Variants in GRIN2A observed in about 807,000 individuals in gnomAD.
GRIN2A encodes glutamate ionotropic receptor NMDA type subunit 2A.
In GRIN2A, 22 loss-of-function variants were observed where a neutral mutation model predicts 113.4. The observed-to-expected ratio is 0.19, with a 90% CI of 0.14 to 0.28. GRIN2A has a LOEUF of 0.28. GRIN2A is among the 10% of genes least tolerant of loss of function. GRIN2A has a pLI of 1.00. For synonymous variants in GRIN2A, 827 were observed against 738.4 expected (o/e 1.12, Z -1.94); for missense variants, 1,502 against 1,887.0 (o/e 0.80, Z 3.78).
chr16:9,829,725 C>T (rs2141313425), intron 8 of GRIN2A, 73 bp from the exon 9 acceptor site: 3 of 944,390 alleles, frequency 3.2e-6, no homozygotes, highest in Non-Finnish European at 5.2e-6. Flanking sequence ...AACCACGCAG[C>T]AGCCACCAGC....
intron 2 of GRIN2A, among the ~76,000 whole-genome samples, chr16:10,171,242 G>T (rs1256488095): frequency 6.6e-6 from 1 of 152,182 alleles, no homozygotes; most frequent in African/African-American, 2.4e-5. Flanking sequence ...ACAAATTACT[G>T]CAACTCCCAG....
At chr16:9,777,715 G>T (rs935853593) in intron 11 of GRIN2A, among the ~76,000 whole-genome samples, 1 of 152,242 alleles carries the variant, frequency 6.6e-6, no homozygotes, top group South Asian at 2.1e-4. Flanking sequence ...GTGATTAGTC[G>T]CACAAGTTGG....
At chr16:10,092,121 A>G (rs1027285981) in intron 2 of GRIN2A, among the ~76,000 whole-genome samples, 6 of 152,234 alleles carry the variant, frequency 3.9e-5, no homozygotes, top group African/African-American at 1.4e-4. Context: ...AGTCCTTTCA[A>G]CAAAGAATAG....
intron 11 of GRIN2A, among the ~76,000 whole-genome samples, chr16:9,789,798 A>G (rs1902491014): frequency 6.6e-6 from 1 of 152,254 alleles, no homozygotes; most frequent in African/African-American, 2.4e-5. Flanking sequence ...AAACCACATC[A>G]GTGAAGAACA....
At position 9,830,480 on chromosome 16, in the gene GRIN2A, CAAAAAA is replaced by C. The variant is rs71400501; in HGVS notation, c.1778-834_1778-829del. On this transcript the variant is annotated intron_variant, in intron 8 of 12. Coordinates refer to ENST00000330684, the MANE Select transcript of GRIN2A (RefSeq NM_001134407.3). ...TTTTCAAGTCTTTGTTCTGCATGGGCAAAAAAAAAAAAAAAAAAAAATCAACTGATG... is the reference window on the plus strand; with the variant it reads ...TTTTCAAGTCTTTGTTCTGCATGGGCAAAAAAAAAAAAAAATCAACTGATG... 8.2e-5 allele frequency among the ~76,000 whole-genome samples: 6 copies of C among 73,064 alleles called. No individual in the cohort carries two copies. The South Asian group carries it at 2.4e-3, about 30-fold the overall frequency. 47.9% of individuals were successfully genotyped at this position (73,064 alleles called of 152,430 possible). A position where few individuals can be genotyped will look rare whatever the true frequency, so the allele number is the denominator to read the frequency against.
At chr16:9,954,866 C>T (rs1368789169) in intron 2 of GRIN2A, among the ~76,000 whole-genome samples, 1 of 152,186 alleles carries the variant, frequency 6.6e-6, no homozygotes, top group African/African-American at 2.4e-5. Flanking sequence ...TCAAAGTCCT[C>T]CTTTCTCCAG....
chr16:9,938,822 G>A (rs534943199), intron 2 of GRIN2A, among the ~76,000 whole-genome samples: 7 of 152,152 alleles, frequency 4.6e-5, no homozygotes, highest in Non-Finnish European at 7.4e-5. Context: ...CCTCTAGTTC[G>A]TCCTGCCCCT....
intron 10 of GRIN2A, among the ~76,000 whole-genome samples, chr16:9,810,293 C>T (rs7188841): frequency 0.29 from 43,963 of 151,978 alleles, 6,761 homozygotes; most frequent in African/African-American, 0.39. Context: ...ATGGCCTCTT[C>T]CCCTGGTCCC....
intron 2 of GRIN2A, among the ~76,000 whole-genome samples, chr16:10,108,554 T>C (rs995162377): frequency 2.6e-5 from 4 of 152,214 alleles, no homozygotes; most frequent in African/African-American, 9.6e-5. Context: ...ACAGCTGCCA[T>C]GTTGCACAAC....
intron 7 of GRIN2A, 42 bp downstream of exon 7, chr16:9,840,605 A>G (rs1014099099): frequency 1.2e-5 from 19 of 1,586,408 alleles, no homozygotes; most frequent in East Asian, 2.2e-5. Flanking sequence ...ATTTCCTACA[A>G]TTCCTTATAG....
At position 9,763,849 on chromosome 16, in the gene GRIN2A, G is replaced by A; in HGVS notation, c.3695C>T (p.Ser1232Phe). The A allele has an allele frequency of 1.9e-6, 3 of 1,614,110 alleles. No homozygotes were observed. The highest frequency in any genetic ancestry group is 2.5e-6 in the Non-Finnish European group (3 of 1,180,018). ...CAGGCAGGCATCGCACTTGAAGGGGGACCTCATGGTGAAGTGGCCTGAATA... is the reference window on the plus strand; with the variant it reads ...CAGGCAGGCATCGCACTTGAAGGGGAACCTCATGGTGAAGTGGCCTGAATA... Reference protein sequence around the residue: ...PTYSGHFTMRSPFKCDACLRM... With the variant: ...PTYSGHFTMRFPFKCDACLRM... The change falls in exon 13 of 13, where the codon TCC becomes TTC. Residue 1232 changes from serine (S) to phenylalanine (F), a missense_variant. By Grantham distance (155) the Ser-to-Phe change is radical. Coordinates refer to ENST00000330684, the MANE Select transcript of GRIN2A (RefSeq NM_001134407.3).
intron 2 of GRIN2A, among the ~76,000 whole-genome samples, chr16:9,995,870 G>A (rs1370045569): frequency 1.3e-5 from 2 of 151,848 alleles, no homozygotes; most frequent in Non-Finnish European, 2.9e-5. Flanking sequence ...GATCATCAAT[G>A]AGTCTAAGAT....
In GRIN2A at chr16:10,180,689, C is replaced by G. The variant is rs1469391084; in HGVS notation, c.-18-260G>C. 5.1e-6 allele frequency: 3 copies of G among 589,138 alleles called. No individual in the cohort carries two copies. The highest frequency in any genetic ancestry group is 9.0e-6 in the Non-Finnish European group (3 of 334,200). 36.5% of individuals were successfully genotyped at this position (589,138 alleles called of 1,614,324 possible). On this transcript the variant is annotated intron_variant, in intron 1 of 12. Transcript: ENST00000330684. This position sits in a 1 kb window ranked among gnomAD's most constrained non-coding sequence, Gnocchi z 7.0. ...CATCCAGCTTCCTCATCCCCTGTCTCCAGGCACTTCCCCATCCCCATCTCT... is the reference window on the plus strand; with the variant it reads ...CATCCAGCTTCCTCATCCCCTGTCTGCAGGCACTTCCCCATCCCCATCTCT...
intron 5 of GRIN2A, among the ~76,000 whole-genome samples, chr16:9,846,970 G>C (rs1458069538): frequency 6.6e-6 from 1 of 152,084 alleles, no homozygotes; most frequent in Admixed American, 6.6e-5. Flanking sequence ...TAGATTAAGG[G>C]GACCTCATAA....
intron 2 of GRIN2A, among the ~76,000 whole-genome samples, chr16:10,175,801 A>G (rs2050130762): frequency 6.6e-6 from 1 of 152,066 alleles, no homozygotes; most frequent in Non-Finnish European, 1.5e-5. Flanking sequence ...TATGGGGAGA[A>G]GTGATGGGGG....
intron 10 of GRIN2A, among the ~76,000 whole-genome samples, chr16:9,810,193 A>G (rs1017928496): frequency 6.6e-6 from 1 of 152,160 alleles, no homozygotes; most frequent in African/African-American, 2.4e-5. Flanking sequence ...GTTCACACGC[A>G]AGAATCCACT....
rs201698049 is a variant in GRIN2A at position 9,764,206 on chromosome 16, G to A, written c.3338C>T (p.Pro1113Leu). 6 of 1,515,448 alleles carry A rather than the reference G, an allele frequency of 4.0e-6. No homozygotes were observed. The African/African-American group carries it at 9.0e-5, about 23-fold the overall frequency. The allele number at this position is 1,515,448 out of a possible 1,614,324, so 93.9% of individuals were successfully genotyped here. ...ATCTATAGTGTAGATCTTGTCTCTAGGGGAGCTTGATTTGGTTTTCAGGTA... is the reference window on the plus strand; with the variant it reads ...ATCTATAGTGTAGATCTTGTCTCTAAGGGAGCTTGATTTGGTTTTCAGGTA... ...RTYLKTKSSS[P>L]RDKIYTIDGE... The change falls in exon 13 of 13, where the codon CCT (proline) becomes CTT (leucine). Residue 1113 changes from proline to leucine, a missense_variant. Physicochemically the swap from Pro to Leu is moderately conservative, Grantham distance 98. This residue lies in a region of GRIN2A where 832 missense variants were observed against 789.7 expected (regional missense o/e 1.05). Coordinates refer to ENST00000330684, the MANE Select transcript of GRIN2A (RefSeq NM_001134407.3).
At chr16:10,098,648 G>T (rs1342332402) in intron 2 of GRIN2A, among the ~76,000 whole-genome samples, 1 of 152,140 alleles carries the variant, frequency 6.6e-6, no homozygotes, top group Non-Finnish European at 1.5e-5. Context: ...TGAATTAATG[G>T]CATCTGCACC....
Position 9,798,587 on chromosome 16 carries a change from G to A in GRIN2A, c.2169-123C>T, listed in dbSNP as rs141765592. ...TTCATGCTGGTGATGATGACTCATG[G>A]CCTCTCCATCCCCTCATCATAAAAG... On this transcript the variant is annotated intron_variant, in intron 10 of 12. Coordinates refer to ENST00000330684, the MANE Select transcript of GRIN2A (RefSeq NM_001134407.3). 1.4e-3 allele frequency: 963 copies of A among 687,862 alleles called. 8 individuals carry two copies. The Admixed American group carries it at 0.017, about 12-fold the overall frequency. 42.6% of individuals were successfully genotyped at this position (687,862 alleles called of 1,614,324 possible).
Sources: allele counts gnomAD v4.1 joint callset (sites outside exome capture counted in the v4.1 genomes callset), GRCh38; gene constraint gnomAD v4.1.1; regional missense constraint gnomAD v4.1.1; non-coding constraint Gnocchi (gnomAD v3.1); transcripts MANE v1.5; gene names NCBI Gene and HGNC (gene_info 2026-07-23, HGNC 2026-07-21).